CARD16: variants seen among roughly 807,000 people sequenced by gnomAD.
The protein encoded by CARD16 is caspase recruitment domain family member 16, also known as caspase recruitment domain-containing protein 16.
CARD16 carries 8 observed loss-of-function variants against 11.9 expected under a neutral mutation model. That is an observed-to-expected ratio of 0.67 (90% CI 0.39 to 1.21). The LOEUF (loss-of-function observed/expected upper bound fraction) is 1.21. Among genes scored for constraint, CARD16 ranks in the 50% most tolerant of loss-of-function variants. The pLI is 0.01. For synonymous variants in CARD16, 44 were observed against 43.8 expected, an observed-to-expected ratio of 1.00 and a Z score of -0.02; for missense variants, 131 against 118.1, an observed-to-expected ratio of 1.11 and a Z score of -0.51.
In CARD16 at chr11:105,044,510, A is replaced by C; in HGVS notation, c.156T>G (p.Asp52Glu). Residue 52 changes from aspartate (D) to glutamate (E), a missense_variant, in exon 2 of 4, where the codon GAT becomes GAG. Asp to Glu is a conservative substitution (Grantham distance 45). Transcript: ENST00000673097. ...CGGAGTCAATCAAAGCTCGGGTCTT[A>C]TCCATAACTGTAGCATTTTCACGTT... is the stretch of plus-strand genomic sequence containing the variant. ...KVKRENATVM[D>E]KTRALIDSVI... 1 of 1,614,122 alleles carries C rather than the reference A, an allele frequency of 6.2e-7. No homozygotes were observed. Among genetic ancestry groups the C allele is most frequent in the Non-Finnish European group, 8.5e-7 (1 of 1,179,988 alleles).
rs779617217 is a variant in CARD16 at position 105,044,502 on chromosome 11, C to T, written c.164G>A (p.Arg55Gln). The change falls in exon 2 of 4, where the codon CGA becomes CAA. Residue 55 changes from arginine to glutamine, a missense_variant. Coordinates refer to ENST00000673097, the MANE Select transcript of CARD16 (RefSeq NM_052889.4). ...CGGAATAACGGAGTCAATCAAAGCT[C>T]GGGTCTTATCCATAACTGTAGCATT... ...RENATVMDKT[R>Q]ALIDSVIPKG... 4.1e-5 allele frequency: 66 copies of T among 1,613,962 alleles called. No homozygotes were observed. Among genetic ancestry groups the T allele is most frequent in the Non-Finnish European group, 4.8e-5 (57 of 1,179,988 alleles).
At chr11:105,045,106 G>A (rs1294460589) in intron 1 of CARD16, 185 bp downstream of exon 1, 1 of 799,326 alleles carries the variant, frequency 1.3e-6, no homozygotes, top group South Asian at 1.7e-5. Flanking sequence ...TTCCTTTCTG[G>A]GCTTGCCTTT....
In CARD16 at chr11:105,041,582, T is replaced by G; in HGVS notation, c.*181A>C. The G allele has an allele frequency of 6.2e-7, 1 of 1,614,096 alleles. No individual in the cohort carries two copies. The highest frequency in any genetic ancestry group is 8.5e-7 in the Non-Finnish European group (1 of 1,179,958). ...GAAGTATATCTTTCACTCCACTTTA[T>G]TATTGTATTCTGAACATGGCACCTC... On this transcript the variant is annotated 3_prime_UTR_variant, in exon 4 of 4. Transcript: ENST00000673097.
chr11:105,044,238 C>A, intron 2 of CARD16, 154 bp downstream of exon 2: 1 of 1,238,380 alleles, frequency 8.1e-7, no homozygotes, highest in Non-Finnish European at 1.1e-6. Context: ...AAAAAAGAGT[C>A]AAGGGACATG....
At chr11:105,041,784 G>A in intron 3 of CARD16, 65 bp from the exon 4 acceptor site, 1 of 1,468,752 alleles carries the variant, frequency 6.8e-7, no homozygotes, top group Non-Finnish European at 9.4e-7. Flanking sequence ...CTCACCTATG[G>A]AGGAAGCTAC....
At chr11:105,043,308 A>G (rs1211297087) in intron 3 of CARD16, among the ~76,000 whole-genome samples, 175 bp downstream of exon 3, 1 of 152,098 alleles carries the variant, frequency 6.6e-6, no homozygotes, top group African/African-American at 2.4e-5. Flanking sequence ...AGTATAAATA[A>G]GAGTAGTAAA....
chr11:105,045,076 G>T, intron 1 of CARD16: 2 of 666,712 alleles, frequency 3.0e-6, no homozygotes, highest in Non-Finnish European at 5.1e-6. Flanking sequence ...AATGACAGCA[G>T]GCTACCCCTA....
chr11:105,043,171 C>G (rs1864139111), intron 3 of CARD16, among the ~76,000 whole-genome samples: 1 of 152,052 alleles, frequency 6.6e-6, no homozygotes, highest in African/African-American at 2.4e-5. Context: ...ATGGCATGTT[C>G]AGCTCTGAAA....
At position 105,043,561 on chromosome 11, in the gene CARD16, G is replaced by A; in HGVS notation, c.275-16C>T. 1 of 1,588,092 alleles carries A rather than the reference G, an allele frequency of 6.3e-7. No individual in the cohort carries two copies. Among genetic ancestry groups the A allele is most frequent in the Non-Finnish European group, 8.6e-7 (1 of 1,157,780 alleles). On this transcript the variant is annotated splice_polypyrimidine_tract_variant and intron_variant, in intron 2 of 3. Coordinates refer to ENST00000673097, the MANE Select transcript of CARD16 (RefSeq NM_052889.4). ...GGTATCGGACCTATAAAAAGATGAAGAACATTGAAATAGCCACTTATCATC... is the reference window on the plus strand; with the variant it reads ...GGTATCGGACCTATAAAAAGATGAAAAACATTGAAATAGCCACTTATCATC...
Position 105,044,460 on chromosome 11 carries a change from C to T in CARD16, c.206G>A (p.Cys69Tyr). Residue 69 changes from cysteine to tyrosine, a missense_variant, in exon 2 of 4, where the codon TGC (cysteine) becomes TAC (tyrosine). By Grantham distance (194) the Cys-to-Tyr change is radical. Coordinates refer to ENST00000673097, the MANE Select transcript of CARD16 (RefSeq NM_052889.4). The part of the protein sequence containing the change: ...DSVIPKGAQA[C>Y]QICITYICEE... ...ACAAATGTATGTGATGCAAATTTGG[C>T]ATGCCTGTGCCCCTTTCGGAATAAC... The T allele has an allele frequency of 1.2e-6, 2 of 1,614,150 alleles. No homozygotes were observed. Among genetic ancestry groups the T allele is most frequent in the South Asian group, 1.1e-5 (1 of 91,084 alleles).
At chr11:105,044,106 A>C (rs1465116373) in intron 2 of CARD16, 4 of 518,436 alleles carry the variant, frequency 7.7e-6, no homozygotes, top group Non-Finnish European at 1.4e-5. Context: ...TGCCAGGAAC[A>C]CTGGAACATA....
At chr11:105,044,255 G>T in intron 2 of CARD16, 137 bp downstream of exon 2, 1 of 1,384,136 alleles carries the variant, frequency 7.2e-7, no homozygotes, top group South Asian at 1.3e-5. Flanking sequence ...CATGCAATAG[G>T]GCCTCTGCTA....
At chr11:105,043,841 CA>C (rs11318787) in intron 2 of CARD16, 9,148 of 341,508 alleles carry the variant, frequency 0.027, 737 homozygotes, top group African/African-American at 0.18. Flanking sequence ...AGATCTTACT[CA>C]AAAGAAAATG....
In CARD16 at chr11:105,044,761, C is replaced by A. The variant is rs1481619832; in HGVS notation, c.8-103G>T. The A allele has an allele frequency of 3.9e-6, 6 of 1,537,222 alleles. No homozygotes were observed. In the East Asian group the frequency reaches 1.3e-4, roughly 35 times the overall value. On this transcript the variant is annotated intron_variant, in intron 1 of 3. Transcript: ENST00000673097. The stretch of plus-strand genomic sequence containing the variant: ...CATTTAGATTTCATCAGTGAAATGT[C>A]CCCCTCCTCACAGTTGGGTAATCCC...
In CARD16 at chr11:105,043,486, G is replaced by A; in HGVS notation, c.*40C>T. On this transcript the variant is annotated 3_prime_UTR_variant, in exon 3 of 4. Coordinates refer to ENST00000673097, the MANE Select transcript of CARD16 (RefSeq NM_052889.4). Reference sequence around the variant, plus strand: ...CTTCATTGAAAAACAACATTACCTGGGAAGGAAGAAAATAGTAATTGGGAG... The same window carrying A: ...CTTCATTGAAAAACAACATTACCTGAGAAGGAAGAAAATAGTAATTGGGAG... 1 of 1,603,380 alleles carries A rather than the reference G, an allele frequency of 6.2e-7. No individual in the cohort carries two copies. The highest frequency in any genetic ancestry group is 8.5e-7 in the Non-Finnish European group (1 of 1,172,188).
At position 105,045,303 on chromosome 11, in the gene CARD16, T is replaced by C. The variant is rs781563637; in HGVS notation, c.-6A>G. ...GTAAAAGACTCACCGGCCATGGCTT[T>C]TCTCTCCTACCCTTCTTGTGTGGGC... On this transcript the variant is annotated 5_prime_UTR_variant, in exon 1 of 4. Coordinates refer to ENST00000673097, the MANE Select transcript of CARD16 (RefSeq NM_052889.4). 6.2e-7 allele frequency: 1 copy of C among 1,614,036 alleles called. No individual in the cohort carries two copies. The highest frequency in any genetic ancestry group is 1.1e-5 in the South Asian group (1 of 91,082).
intron 3 of CARD16, among the ~76,000 whole-genome samples, chr11:105,042,543 A>G (rs1020359603): frequency 6.6e-6 from 1 of 152,242 alleles, no homozygotes; most frequent in Non-Finnish European, 1.5e-5. Flanking sequence ...AGGCAAAATA[A>G]TAATATTTAA....
chr11:105,042,824 G>A (rs1864134365), intron 3 of CARD16, among the ~76,000 whole-genome samples: 1 of 152,194 alleles, frequency 6.6e-6, no homozygotes, highest in Admixed American at 6.5e-5. Context: ...AAACATTCAT[G>A]AGGTAATCAT....
chr11:105,041,812 C>T (rs1864117831), intron 3 of CARD16, 93 bp from the exon 4 acceptor site: 3 of 1,192,332 alleles, frequency 2.5e-6, no homozygotes, highest in Non-Finnish European at 3.6e-6. Flanking sequence ...GAAATACATT[C>T]CTAGAGGACA....
Sources: gnomAD v4.1 joint callset for allele counts (sites outside exome capture counted in the v4.1 genomes callset) on GRCh38, gnomAD v4.1.1 for gene constraint, MANE v1.5 for transcripts, NCBI Gene and HGNC (gene_info 2026-07-23, HGNC 2026-07-21) for gene names.